Variants in TXNRD2 observed in about 807,000 individuals in gnomAD.
The protein encoded by TXNRD2 is thioredoxin reductase 2.
In TXNRD2, 67 loss-of-function variants were observed where a neutral mutation model predicts 70.8. The observed-to-expected ratio is 0.95, with a 90% CI of 0.78 to 1.16. TXNRD2 has a LOEUF of 1.16. TXNRD2 is among the 50% of genes most tolerant of loss of function. TXNRD2 has a pLI of 0.00. For synonymous variants in TXNRD2, 301 were observed against 295.8 expected (o/e 1.02, Z -0.18); for missense variants, 644 against 719.9 (o/e 0.89, Z 1.21).
At chr22:19,889,994 T>C (rs1939196496) in intron 11 of TXNRD2, among the ~76,000 whole-genome samples, 1 of 152,212 alleles carries the variant, frequency 6.6e-6, no homozygotes, top group African/African-American at 2.4e-5. Context: ...GACAACCATG[T>C]ATGCAGGTGC....
In TXNRD2 at chr22:19,898,077, T is replaced by G; in HGVS notation, c.736A>C (p.Ile246Leu). ...FLTGIGLDTT[I>L]MMRSIPLRGF... ...CGGAGGGGGATGCTGCGCATCATGA[T>G]GGTGGTGTCCAGCCCAATCCCGGTG... The change falls in exon 10 of 18, where the codon ATC becomes CTC. Residue 246 changes from isoleucine (I) to leucine (L), a missense_variant. By Grantham distance (5) the Ile-to-Leu change is conservative (BLOSUM62 2). Around this residue, in one of 3 missense-constraint regions of TXNRD2, gnomAD observed 566 missense variants for 645.0 expected, o/e 0.88. Coordinates refer to ENST00000400521, the MANE Select transcript of TXNRD2 (RefSeq NM_006440.5). 6.4e-7 allele frequency: 1 copy of G among 1,566,064 alleles called. No individual in the cohort carries two copies. The highest frequency in any genetic ancestry group is 8.7e-7 in the Non-Finnish European group (1 of 1,155,834).
intron 5 of TXNRD2, among the ~76,000 whole-genome samples, chr22:19,917,728 C>T (rs775145884): frequency 2.0e-5 from 3 of 152,166 alleles, no homozygotes; most frequent in South Asian, 2.1e-4. Flanking sequence ...CACCCACACC[C>T]AAGGAGCTGG....
At chr22:19,896,824 G>A (rs1939529382) in intron 10 of TXNRD2, among the ~76,000 whole-genome samples, 1 of 152,168 alleles carries the variant, frequency 6.6e-6, no homozygotes, top group Non-Finnish European at 1.5e-5. Flanking sequence ...CGCCGGGCAG[G>A]GCTGGCTGTG....
intron 2 of TXNRD2, among the ~76,000 whole-genome samples, chr22:19,925,097 A>T (rs764213527): frequency 2.0e-5 from 3 of 150,404 alleles, no homozygotes; most frequent in South Asian, 2.1e-4. Flanking sequence ...ATCCTGGCTA[A>T]CACGGCGAAG....
intron 2 of TXNRD2, among the ~76,000 whole-genome samples, chr22:19,927,980 C>T (rs1480372172): frequency 1.3e-5 from 2 of 151,972 alleles, no homozygotes; most frequent in African/African-American, 2.4e-5. Flanking sequence ...ACATTGAAAA[C>T]CACAGGCCAG....
Position 19,903,753 on chromosome 22 carries a change from AC to A in TXNRD2, c.663-4686del, listed in dbSNP as rs138964912. Among the ~76,000 whole-genome samples the A allele has an allele frequency of 6.6e-5, 10 of 152,258 alleles. No individual in the cohort carries two copies. The East Asian group carries it at 1.7e-3, about 26-fold the overall frequency. ...TAAAGGAGCTCCCCGGTGTGGGCTCACCATCCTCGCCTTCCACATTCCTCCA... is the reference window on the plus strand; with the variant it reads ...TAAAGGAGCTCCCCGGTGTGGGCTCACATCCTCGCCTTCCACATTCCTCCA... On this transcript the variant is annotated intron_variant, in intron 8 of 17. Coordinates refer to ENST00000400521, the MANE Select transcript of TXNRD2 (RefSeq NM_006440.5).
At chr22:19,932,260 C>A in intron 1 of TXNRD2, 1 of 1,608,358 alleles carries the variant, frequency 6.2e-7, no homozygotes, top group Non-Finnish European at 8.5e-7. Flanking sequence ...CAGCTGCAGT[C>A]AGCTAGGAGG....
At chr22:19,877,604 C>T (rs1938568197) in intron 16 of TXNRD2, among the ~76,000 whole-genome samples, 1 of 152,188 alleles carries the variant, frequency 6.6e-6, no homozygotes, top group South Asian at 2.1e-4. Context: ...ATCCAGCCAG[C>T]CACCTCTCTC....
At chr22:19,939,689 C>A (rs146806948) in intron 1 of TXNRD2, among the ~76,000 whole-genome samples, 226 of 152,264 alleles carry the variant, frequency 1.5e-3, no homozygotes, top group African/African-American at 5.1e-3. Context: ...TCCTCTGTGC[C>A]TTGGACATGC....
intron 16 of TXNRD2, among the ~76,000 whole-genome samples, chr22:19,877,591 C>T (rs1357524016): frequency 6.6e-6 from 1 of 152,200 alleles, no homozygotes; most frequent in Non-Finnish European, 1.5e-5. Context: ...TCCCAGGCCC[C>T]ACATCCAGCC....
chr22:19,890,257 A>G (rs1569077224), intron 11 of TXNRD2, among the ~76,000 whole-genome samples: 1 of 152,228 alleles, frequency 6.6e-6, no homozygotes, highest in Non-Finnish European at 1.5e-5. Context: ...GAAGAGCTCC[A>G]TGAATGTTCA....
chr22:19,896,114 G>A (rs960707029), intron 10 of TXNRD2, among the ~76,000 whole-genome samples: 3 of 152,182 alleles, frequency 2.0e-5, no homozygotes, highest in South Asian at 2.1e-4. Context: ...TGGCTAACAC[G>A]GTGAAACACT....
Position 19,932,580 on chromosome 22 carries a change from C to G in TXNRD2, c.104-1482G>C, listed in dbSNP as rs535294521. 1.9e-4 allele frequency: 281 copies of G among 1,458,474 alleles called. No homozygotes were observed. The African/African-American group carries it at 3.5e-3, about 18-fold the overall frequency. 90.3% of individuals were successfully genotyped at this position (1,458,474 alleles called of 1,614,324 possible). A position where few individuals can be genotyped will look rare whatever the true frequency, so the allele number is the denominator to read the frequency against. On this transcript the variant is annotated intron_variant, in intron 1 of 17. Coordinates refer to ENST00000400521, the MANE Select transcript of TXNRD2 (RefSeq NM_006440.5). ...ACACCCAGCACCAGGCACCAGCCAA[C>G]TCCCTGCTGAAGGAAGGAAGAAATA...
intron 1 of TXNRD2, among the ~76,000 whole-genome samples, chr22:19,940,929 A>T (rs1226073403): frequency 6.6e-6 from 1 of 152,130 alleles, no homozygotes; most frequent in Non-Finnish European, 1.5e-5. Context: ...CCGCGGGCAG[A>T]GGGCCAGCCA....
chr22:19,926,352 T>C (rs1941144874), intron 2 of TXNRD2, among the ~76,000 whole-genome samples: 1 of 149,272 alleles, frequency 6.7e-6, no homozygotes, highest in South Asian at 2.1e-4. Flanking sequence ...TAGTCGGGTA[T>C]AGTGGTGTGT....
Position 19,895,024 on chromosome 22 carries a change from C to T in TXNRD2, c.949+383G>A, listed in dbSNP as rs1939434809. The T allele has an allele frequency of 2.6e-6, 4 of 1,539,274 alleles. No homozygotes were observed. The South Asian group carries it at 4.8e-5, about 18-fold the overall frequency. ...ACCAAGACTTAAACCTGGAAGGTGA[C>T]AAGTAGGATTTATGTGCTGAAACCT... On this transcript the variant is annotated intron_variant, in intron 11 of 17. Transcript: ENST00000400521.
chr22:19,908,004 C>T (rs1414067791), intron 8 of TXNRD2, among the ~76,000 whole-genome samples: 1 of 108,324 alleles, frequency 9.2e-6, no homozygotes, highest in African/African-American at 3.8e-5. Context: ...AGAGTGTGGG[C>T]GCCGTGGGGA....
intron 1 of TXNRD2, among the ~76,000 whole-genome samples, chr22:19,934,382 G>GGAA (rs1187755776): frequency 1.1e-5 from 1 of 93,762 alleles, no homozygotes. Context: ...CTCTGTCTCA[G>GGAA]AAAAAAAAAA....
rs1049034491 is a variant in TXNRD2 at position 19,877,007 on chromosome 22, T to G, written c.*65+33A>C. On this transcript the variant is annotated intron_variant, in intron 17 of 17. Coordinates refer to ENST00000400521, the MANE Select transcript of TXNRD2 (RefSeq NM_006440.5). ...GCTCCTGCACCCCTGCCACATGCCC[T>G]GTCCTCAAACAGAGCCAGCCCCACC... 1.2e-5 allele frequency: 17 copies of G among 1,445,096 alleles called. No individual in the cohort carries two copies. In the African/African-American group the frequency reaches 2.2e-4, roughly 19 times the overall value. The allele number at this position is 1,445,096 out of a possible 1,614,324, so 89.5% of individuals were successfully genotyped here.
Sources: allele counts gnomAD v4.1 joint callset (sites outside exome capture counted in the v4.1 genomes callset), GRCh38; gene constraint gnomAD v4.1.1; regional missense constraint gnomAD v4.1.1; transcripts MANE v1.5; gene names NCBI Gene and HGNC (gene_info 2026-07-23, HGNC 2026-07-21).